The following SOX6 variants were observed in gnomAD, a reference collection of about 807,000 sequenced individuals.
SOX6 encodes the protein transcription factor SOX-6.
In SOX6, 11 loss-of-function variants were observed where a neutral mutation model predicts 97.8. That is an observed-to-expected ratio of 0.11 (90% CI 0.07 to 0.19). The LOEUF (loss-of-function observed/expected upper bound fraction) is 0.19. Ranked by LOEUF, SOX6 falls within the 10% of genes least tolerant of loss-of-function variation. The probability of loss-of-function intolerance (pLI) is 1.00; values close to 1 mark genes in which losing one functional copy is unlikely to be tolerated. For synonymous variants in SOX6, 360 were observed against 371.4 expected, an observed-to-expected ratio of 0.97 and a Z score of 0.35; for missense variants, 810 against 1,039.5, an observed-to-expected ratio of 0.78 and a Z score of 3.04.
Position 16,719,276 on chromosome 11 carries a change from T to C in SOX6, n.354-4371A>G, listed in dbSNP as rs140382585. Among the ~76,000 whole-genome samples, 22 of 152,310 alleles carry C rather than the reference T, an allele frequency of 1.4e-4. No homozygotes were observed. The East Asian group carries it at 4.2e-3, about 29-fold the overall frequency. On this transcript the variant is annotated intron_variant and non_coding_transcript_variant, in intron 2 of 5. Coordinates refer to the SOX6 transcript ENST00000524520. ...TTTGCATTGCCAAGAATAGGAATCA[T>C]TTGCGTTGTTATGGGCCAAAATCAT... is the stretch of plus-strand genomic sequence containing the variant.
At chr11:16,299,250 C>G (rs551149286) in intron 3 of SOX6, among the ~76,000 whole-genome samples, 6 of 152,242 alleles carry the variant, frequency 3.9e-5, no homozygotes, top group African/African-American at 1.4e-4. Flanking sequence ...TCTCTAGCTT[C>G]TGCACTTCGT....
At chr11:16,016,914 C>G (rs1250051786) in intron 12 of SOX6, among the ~76,000 whole-genome samples, 1 of 151,982 alleles carries the variant, frequency 6.6e-6, no homozygotes, top group Non-Finnish European at 1.5e-5. Context: ...CTCTGAAAAT[C>G]AACAGACCGT....
At chr11:16,307,068 A>ACTTTTT (rs1855463981) in intron 3 of SOX6, among the ~76,000 whole-genome samples, 3 of 152,188 alleles carry the variant, frequency 2.0e-5, no homozygotes, top group Non-Finnish European at 4.4e-5. Flanking sequence ...AAAGGTCCTA[A>ACTTTTT]GACATGTTTA....
intron 4 of SOX6, among the ~76,000 whole-genome samples, chr11:16,611,296 C>T (rs1848395194): frequency 6.6e-6 from 1 of 152,202 alleles, no homozygotes; most frequent in African/African-American, 2.4e-5. Flanking sequence ...CCTCGAATTC[C>T]CGCTTTGAAA....
intron 4 of SOX6, among the ~76,000 whole-genome samples, chr11:16,604,693 A>T (rs528562179): frequency 6.6e-6 from 1 of 152,338 alleles, no homozygotes; most frequent in East Asian, 1.9e-4. Flanking sequence ...AGCCCAGGAC[A>T]GCCCATCTCG....
intron 11 of SOX6, 58 bp downstream of exon 11, chr11:16,049,694 CAGG>C (rs1208071178): frequency 1.3e-6 from 2 of 1,592,974 alleles, no homozygotes; most frequent in Non-Finnish European, 1.7e-6. Context: ...CGTAACTAAA[CAGG>C]TTTGCTTTCT....
chr11:16,461,180 G>A (rs530196215), intron 1 of SOX6, among the ~76,000 whole-genome samples: 18 of 152,158 alleles, frequency 1.2e-4, no homozygotes, highest in Admixed American at 2.6e-4. Context: ...GAAAGCAATA[G>A]GAGTCATTTT....
At chr11:16,204,204 C>G (rs1348297765) in intron 4 of SOX6, among the ~76,000 whole-genome samples, 1 of 152,042 alleles carries the variant, frequency 6.6e-6, no homozygotes, top group East Asian at 1.9e-4. Context: ...ACATGATTGA[C>G]CCAAAATTTA....
chr11:16,399,168 G>C (rs1858470743), intron 1 of SOX6, among the ~76,000 whole-genome samples: 2 of 151,072 alleles, frequency 1.3e-5, no homozygotes, highest in South Asian at 4.1e-4. Context: ...AGGTCTGTGT[G>C]TCTCATAGGG....
intron 2 of SOX6, among the ~76,000 whole-genome samples, chr11:16,722,346 C>T (rs1468724766): frequency 5.3e-5 from 8 of 152,120 alleles, no homozygotes; most frequent in Non-Finnish European, 1.5e-5. Flanking sequence ...GAGAAATAAA[C>T]AACCCCATTA....
chr11:16,637,130 T>G (rs1848802478), intron 3 of SOX6, among the ~76,000 whole-genome samples: 1 of 152,212 alleles, frequency 6.6e-6, no homozygotes, highest in African/African-American at 2.4e-5. Flanking sequence ...CTACTGTTTC[T>G]TCCTTACTTT....
chr11:16,097,459 G>T (rs1848828864), intron 8 of SOX6, 150 bp downstream of exon 8: 2 of 704,704 alleles, frequency 2.8e-6, no homozygotes, highest in African/African-American at 1.8e-5. Flanking sequence ...TCTTCTATTT[G>T]CATTACGATA....
chr11:16,236,705 T>A (rs1247394985), intron 3 of SOX6, among the ~76,000 whole-genome samples: 2 of 151,948 alleles, frequency 1.3e-5, no homozygotes, highest in African/African-American at 4.8e-5. Context: ...AAATGCATTT[T>A]AGGATGTAAA....
intron 12 of SOX6, among the ~76,000 whole-genome samples, chr11:16,021,197 G>GC (rs1855049798): frequency 6.6e-6 from 1 of 152,132 alleles, no homozygotes; most frequent in South Asian, 2.1e-4. Flanking sequence ...TATCATAGAT[G>GC]CTTGGCTTAA....
chr11:16,383,760 T>C (rs1565123859), intron 1 of SOX6, among the ~76,000 whole-genome samples: 1 of 151,964 alleles, frequency 6.6e-6, no homozygotes. Context: ...AAAATGTTAG[T>C]TTTCCCTCTT....
chr11:16,596,776 A>G (rs1329249519), intron 4 of SOX6, among the ~76,000 whole-genome samples: 5 of 152,178 alleles, frequency 3.3e-5, no homozygotes, highest in African/African-American at 1.2e-4. Context: ...GTTTTGAAAG[A>G]TTGTTTTCTA....
chr11:16,341,141 A>T lies in SOX6; in HGVS notation c.108T>A (p.His36Gln), dbSNP rs778595229. The T allele has an allele frequency of 1.9e-6, 3 of 1,613,440 alleles. No homozygotes were observed. Among genetic ancestry groups the T allele is most frequent in the Non-Finnish European group, 1.7e-6 (2 of 1,179,610 alleles). ...SREKEEGSDQHVASHLPLHPI... is the reference protein window; with the variant it reads ...SREKEEGSDQQVASHLPLHPI... The stretch of plus-strand genomic sequence containing the variant: ...GGTGCAGAGGCAGATGGGAGGCCAC[A>T]TGTTGATCACTGCCCTCTTCCTTTT... Residue 36 changes from histidine (H) to glutamine (Q), a missense_variant, in exon 2 of 16, where the codon CAT becomes CAA. Physicochemically the swap from His to Gln is conservative, Grantham distance 24 (BLOSUM62 0). Around this residue, in one of 9 missense-constraint regions of SOX6, gnomAD observed 100 missense variants for 94.6 expected, o/e 1.06. Coordinates refer to ENST00000683767, the MANE Select transcript of SOX6 (RefSeq NM_001367873.1).
intron 3 of SOX6, among the ~76,000 whole-genome samples, chr11:16,628,369 A>G (rs1848653448): frequency 6.6e-6 from 1 of 152,158 alleles, no homozygotes; most frequent in Non-Finnish European, 1.5e-5. Context: ...CACGCCTGCA[A>G]TCCCAGCACT....
Position 16,132,432 on chromosome 11 carries a change from AGAAAGAAAGAAAAAAG to A in SOX6, c.778-20525_778-20510del, listed in dbSNP as rs1564972558. ...AAGAAAGAAAGAAAGAAAGAAAGAA[AGAAAGAAAGAAAAAAG>A]AAAGAAAGAAAGAAAGAAAGAAAGA... On this transcript the variant is annotated intron_variant, in intron 6 of 15. Transcript: ENST00000683767. Among the ~76,000 whole-genome samples the A allele has an allele frequency of 2.9e-4, 29 of 99,522 alleles. 2 individuals are homozygous for A. The highest frequency in any genetic ancestry group is 1.6e-3 in the East Asian group (3 of 1,922). 65.3% of individuals were successfully genotyped at this position (99,522 alleles called of 152,430 possible).
Sources: gnomAD v4.1 joint callset for allele counts (sites outside exome capture counted in the v4.1 genomes callset) on GRCh38, gnomAD v4.1.1 for gene constraint, gnomAD v4.1.1 regional missense constraint, MANE v1.5 for transcripts, NCBI Gene and HGNC (gene_info 2026-07-23, HGNC 2026-07-21) for gene names.